Variants in FMN1 observed in about 807,000 individuals in gnomAD.
FMN1 encodes the protein formin 1, also known as formin-1.
A neutral mutation model predicts 132.4 loss-of-function variants in FMN1; 110 were observed. The observed-to-expected ratio is 0.83, with a 90% confidence interval of 0.71 to 0.97. The LOEUF (loss-of-function observed/expected upper bound fraction) is 0.97. FMN1 is among the 50% of genes least tolerant of loss of function. The pLI, the probability that FMN1 is intolerant of heterozygous loss-of-function variation, is 0.00. For synonymous variants in FMN1, 722 were observed against 651.7 expected, an observed-to-expected ratio of 1.11 and a Z score of -1.64; for missense variants, 1,792 against 1,705.3, an observed-to-expected ratio of 1.05 and a Z score of -0.90.
intron 6 of FMN1, among the ~76,000 whole-genome samples, chr15:33,043,450 G>A (rs75180953): frequency 7.9e-5 from 12 of 152,144 alleles, no homozygotes. Context: ...TACATCACTT[G>A]CCTTTTGCCG....
chr15:32,932,293 TG>T (rs1361210430), intron 9 of FMN1, among the ~76,000 whole-genome samples: 1 of 152,120 alleles, frequency 6.6e-6, no homozygotes, highest in African/African-American at 2.4e-5. Flanking sequence ...CCCAGCTACT[TG>T]GGAGGCTGAG....
intron 6 of FMN1, among the ~76,000 whole-genome samples, chr15:33,047,557 CTG>C (rs1185631514): frequency 6.6e-6 from 1 of 152,220 alleles, no homozygotes; most frequent in African/African-American, 2.4e-5. Flanking sequence ...GGAAAAACCT[CTG>C]TTTTCCTCAT....
chr15:32,885,627 C>A (rs2059879570), intron 16 of FMN1, among the ~76,000 whole-genome samples: 1 of 152,144 alleles, frequency 6.6e-6, no homozygotes, highest in Admixed American at 6.5e-5. Flanking sequence ...AATAATGACA[C>A]AATAAGTTGC....
chr15:33,106,756 C>T (rs2039503165), intron 4 of FMN1, among the ~76,000 whole-genome samples: 1 of 152,062 alleles, frequency 6.6e-6, no homozygotes. Context: ...TTGACCTCTA[C>T]TCACTAGTTA....
chr15:33,185,252 G>C (rs1965840212), intron 2 of FMN1, among the ~76,000 whole-genome samples: 1 of 152,154 alleles, frequency 6.6e-6, no homozygotes, highest in Non-Finnish European at 1.5e-5. Context: ...TGAGCCACCT[G>C]TTTAGGTGCC....
chr15:32,924,610 G>C (rs777434346), intron 10 of FMN1, among the ~76,000 whole-genome samples: 45 of 152,206 alleles, frequency 3.0e-4, no homozygotes, highest in Non-Finnish European at 6.3e-4. Flanking sequence ...GCAAATATAA[G>C]TGAAATGTCA....
intron 3 of FMN1, among the ~76,000 whole-genome samples, chr15:33,173,657 G>A (rs1454431091): frequency 2.0e-5 from 3 of 152,230 alleles, no homozygotes; most frequent in Non-Finnish European, 2.9e-5. Context: ...GGCCGGGCAC[G>A]GTGGCTCACG....
At position 33,082,020 on chromosome 15, in the gene FMN1, G is replaced by GGGGTGTGTGTGTGT. The variant is rs1355703560; in HGVS notation, c.2043+6778_2043+6779insACACACACACACCC. Among the ~76,000 whole-genome samples the GGGGTGTGTGTGTGT allele has an allele frequency of 1.7e-3, 205 of 117,818 alleles. 2 individuals are homozygous for GGGGTGTGTGTGTGT. The highest frequency in any genetic ancestry group is 6.4e-3 in the African/African-American group (187 of 29,430). 77.3% of individuals were successfully genotyped at this position (117,818 alleles called of 152,430 possible). ...CCAGAATCAACAAGAAGAGTTCAGG[G>GGGGTGTGTGTGTGT]GTGTGTGTGTGTGTGTGTGTGTGTG... is the stretch of plus-strand genomic sequence containing the variant. On this transcript the variant is annotated intron_variant, in intron 5 of 20. Transcript: ENST00000616417.
At chr15:32,979,463 A>G (rs2032468895) in intron 7 of FMN1, among the ~76,000 whole-genome samples, 1 of 151,000 alleles carries the variant, frequency 6.6e-6, no homozygotes. Flanking sequence ...GGCTGAGGCA[A>G]GATAACAGCG....
chr15:32,981,543 A>AATAATAATAATAATT (rs574939662), intron 7 of FMN1, among the ~76,000 whole-genome samples: 73 of 138,400 alleles, frequency 5.3e-4, no homozygotes, highest in African/African-American at 1.7e-3. Context: ...TAATAATAAT[A>AATAATAATAATAATT]ATTATTATTA....
chr15:32,835,022 T>G (rs1040431433), intron 17 of FMN1, among the ~76,000 whole-genome samples: 15 of 152,216 alleles, frequency 9.9e-5, no homozygotes, highest in African/African-American at 3.4e-4. Context: ...GGCATCACCT[T>G]TGTTAGAGTT....
chr15:32,828,424 AGTCGT>A (rs1159400353), intron 17 of FMN1, among the ~76,000 whole-genome samples: 1 of 152,164 alleles, frequency 6.6e-6, no homozygotes, highest in Non-Finnish European at 1.5e-5. Context: ...GATTACTCCA[AGTCGT>A]ACAAAGGGAA....
chr15:33,154,992 G>C lies in FMN1; in HGVS notation c.-78C>G. 1 of 1,186,280 alleles carries C rather than the reference G, an allele frequency of 8.4e-7. No individual in the cohort carries two copies. Among genetic ancestry groups the C allele is most frequent in the East Asian group, 2.6e-5 (1 of 39,156 alleles). 73.5% of individuals were successfully genotyped at this position (1,186,280 alleles called of 1,614,324 possible). ...CCCAGGCTCCAGTGGTGAGGCATGT[G>C]ATGGTGGCTATGCAGAGAAAGCAGC... On this transcript the variant is annotated 5_prime_UTR_variant, in exon 4 of 21. It adds an upstream start codon to the 5' untranslated region. Transcript: ENST00000616417.
chr15:33,105,707 TTTTCC>T (rs1426944820), intron 4 of FMN1: 3 of 152,198 alleles, frequency 2.0e-5, no homozygotes, highest in Admixed American at 6.5e-5. Context: ...AAATATCTAC[TTTTCC>T]TTTTCTTCAC....
intron 17 of FMN1, among the ~76,000 whole-genome samples, chr15:32,846,858 A>G (rs1422257216): frequency 2.6e-5 from 4 of 152,368 alleles, no homozygotes; most frequent in African/African-American, 9.6e-5. Flanking sequence ...GTACATATAT[A>G]CCATGGAATA....
At chr15:32,844,292 C>T (rs1018042496) in intron 17 of FMN1, among the ~76,000 whole-genome samples, 2 of 151,978 alleles carry the variant, frequency 1.3e-5, no homozygotes, top group Non-Finnish European at 2.9e-5. Context: ...TTTGTGGATC[C>T]CAAGGATCAT....
chr15:32,793,349 G>A (rs554570304), intron 19 of FMN1, among the ~76,000 whole-genome samples: 5 of 151,650 alleles, frequency 3.3e-5, no homozygotes, highest in Admixed American at 1.3e-4. Flanking sequence ...GCGCGATCTC[G>A]GCTCACTGCA....
Position 32,808,760 on chromosome 15 carries a change from C to T in FMN1, c.3929-4428G>A, listed in dbSNP as rs565210920. 5.8e-4 allele frequency among the ~76,000 whole-genome samples: 88 copies of T among 152,294 alleles called. 1 individual carries two copies. In the South Asian group the frequency reaches 9.5e-3, roughly 17 times the overall value. On this transcript the variant is annotated intron_variant, in intron 17 of 20. Transcript: ENST00000616417. ...ATTGTCTATTGGCTAGAAGCAAATG[C>T]TAGTAGTCACTACTCTAGCTTTCTG...
In FMN1 at chr15:33,029,602, T is replaced by C. The variant is rs1263627944; in HGVS notation, c.2162-21527A>G. 3.9e-5 allele frequency among the ~76,000 whole-genome samples: 6 copies of C among 152,174 alleles called. No individual in the cohort carries two copies. In the East Asian group the frequency reaches 1.2e-3, roughly 29 times the overall value. On this transcript the variant is annotated intron_variant, in intron 6 of 20. Transcript: ENST00000616417. ...ACAAGGGTAGGAAGAGCCAAACGTT[T>C]GGATCTCTCAAGACTAGGGTTTACC...
Sources: allele counts gnomAD v4.1 joint callset (sites outside exome capture counted in the v4.1 genomes callset), GRCh38; gene constraint gnomAD v4.1.1; transcripts MANE v1.5; gene names NCBI Gene and HGNC (gene_info 2026-07-23, HGNC 2026-07-21).